CCDC154: variants seen among roughly 807,000 people sequenced by gnomAD.
CCDC154 encodes the protein coiled-coil domain containing 154, also known as coiled-coil domain-containing protein 154.
A neutral mutation model predicts 87.5 loss-of-function variants in CCDC154; 91 were observed. The observed-to-expected ratio is 1.04, with a 90% CI of 0.88 to 1.24. CCDC154 has a LOEUF of 1.24. CCDC154 is among the 50% of genes most tolerant of loss of function. The pLI, the probability that CCDC154 is intolerant of heterozygous loss-of-function variation, is 0.00. For missense variants in CCDC154, 903 were observed against 879.2 expected (o/e 1.03, Z -0.34); for synonymous variants, 418 against 400.4 (o/e 1.04, Z -0.52).
chr16:1,439,347 A>C, intron 6 of CCDC154: 1 of 582,588 alleles, frequency 1.7e-6, no homozygotes, highest in Non-Finnish European at 3.1e-6. Context: ...GAAGCATGAG[A>C]AGGCCACGCT....
chr16:1,444,551 C>G lies in CCDC154; in HGVS notation c.-229G>C. ...GCCGTTCCAGAACCTTCCTTCTCTC[C>G]CCAGAACCTCACGGCTTCACAGCCC... On this transcript the variant is annotated 5_prime_UTR_variant, in exon 1 of 17. Transcript: ENST00000389176. 1 of 338,638 alleles carries G rather than the reference C, an allele frequency of 3.0e-6. No homozygotes were observed. The highest frequency in any genetic ancestry group is 2.2e-5 in the South Asian group (1 of 44,638). The allele number at this position is 338,638 out of a possible 1,614,324, so 21.0% of individuals were successfully genotyped here.
Position 1,442,495 on chromosome 16 carries a change from C to G in CCDC154, c.586G>C (p.Glu196Gln), listed in dbSNP as rs2038560971. 4 of 1,549,616 alleles carry G rather than the reference C, an allele frequency of 2.6e-6. No individual in the cohort carries two copies. Among genetic ancestry groups the G allele is most frequent in the Non-Finnish European group, 3.5e-6 (4 of 1,146,564 alleles). ...CCGCAGGCCACCTCCCGGCCCTGCTCCTCCTGCTGCAGCAAGTCGGTCAGC... is the reference window on the plus strand; with the variant it reads ...CCGCAGGCCACCTCCCGGCCCTGCTGCTCCTGCTGCAGCAAGTCGGTCAGC... ...AKLTDLLQQEEQGREVACGAL... is the reference protein window; with the variant it reads ...AKLTDLLQQEQQGREVACGAL... The change falls in exon 6 of 17, where the codon GAG becomes CAG. Residue 196 changes from glutamate (E) to glutamine (Q), a missense_variant. By Grantham distance (29) the Glu-to-Gln change is conservative (BLOSUM62 2). Transcript: ENST00000389176.
intron 3 of CCDC154, 47 bp downstream of exon 3, chr16:1,443,459 C>T: frequency 1.4e-6 from 2 of 1,435,028 alleles, no homozygotes; most frequent in South Asian, 1.5e-5. Context: ...CTGCCCCCAA[C>T]ACCCAGGAAA....
intron 6 of CCDC154, among the ~76,000 whole-genome samples, chr16:1,440,505 G>GAAGAGAACAGAA (rs1567258648): frequency 2.5e-4 from 38 of 151,212 alleles, no homozygotes; most frequent in African/African-American, 9.3e-4. Flanking sequence ...AAAGAGAAGA[G>GAAGAGAACAGAA]AAGAGAAGAG....
rs1008585185 is a variant in CCDC154, at chr16:1,436,647, C to A, written c.1410+45G>T. The A allele has an allele frequency of 4.5e-6, 7 of 1,547,668 alleles. No individual in the cohort carries two copies. The East Asian group carries it at 1.7e-4, about 38-fold the overall frequency. ...GTGCAGGGAGAAGGGTCCCACGCCA[C>A]CTCCAAGGCCCAAGTACACCAAGGC... On this transcript the variant is annotated intron_variant, in intron 12 of 16. Transcript: ENST00000389176.
intron 3 of CCDC154, 54 bp downstream of exon 3, chr16:1,443,451 GC>G: frequency 7.0e-7 from 1 of 1,431,090 alleles, no homozygotes; most frequent in Non-Finnish European, 9.1e-7. Context: ...AGAAGCAGCT[GC>G]CCCCAACACC....
In CCDC154 at chr16:1,444,307, T is replaced by C. The variant is rs1465850845; in HGVS notation, c.7+9A>G. 1 of 1,302,342 alleles carries C rather than the reference T, an allele frequency of 7.7e-7. No homozygotes were observed. The highest frequency in any genetic ancestry group is 1.0e-6 in the Non-Finnish European group (1 of 988,842). The allele number at this position is 1,302,342 out of a possible 1,614,324, so 80.7% of individuals were successfully genotyped here. On this transcript the variant is annotated intron_variant, in intron 1 of 16. Transcript: ENST00000389176. ...CCCTCCCTGGGCCCCGCTCCTCCGC[T>C]CTGGTCACCTGACATGGCTGCTGGG...
rs1478195852 is a variant in CCDC154, at chr16:1,434,827, C to T, written c.1718G>A (p.Trp573Ter). 2.6e-6 allele frequency: 4 copies of T among 1,525,956 alleles called. No homozygotes were observed. The highest frequency in any genetic ancestry group is 4.0e-5 in the Admixed American group (2 of 49,638). The allele number at this position is 1,525,956 out of a possible 1,614,324, so 94.5% of individuals were successfully genotyped here. A position where few individuals can be genotyped will look rare whatever the true frequency, so the allele number is the denominator to read the frequency against. ...ACTCCACAGCCGGAGCACACTCTCC[C>T]ACAGGGTGGCCATCTCCTGCGTGCG... Reference protein sequence around the residue: ...RLRTQEMATLWESVLRLWSEE... With the variant: ...RLRTQEMATL Residue 573 changes from tryptophan (W) to a stop codon, truncating the protein, a stop_gained, in exon 16 of 17, where the codon TGG becomes TAG. Transcript: ENST00000389176. LOFTEE classifies it high-confidence loss of function.
intron 14 of CCDC154, 45 bp downstream of exon 14, chr16:1,435,922 ATG>A (rs1331971784): frequency 6.8e-7 from 1 of 1,477,314 alleles, no homozygotes; most frequent in Non-Finnish European, 9.2e-7. Flanking sequence ...TCTGAACCTG[ATG>A]GCTCCCCCTC....
At chr16:1,439,171 C>T (rs1237467603) in intron 6 of CCDC154, 45 bp from the exon 7 acceptor site, 15 of 1,494,648 alleles carry the variant, frequency 1.0e-5, no homozygotes, top group African/African-American at 8.3e-5. Context: ...CTGCTGGACA[C>T]GCAGCCGGTC....
rs561711351 is a variant in CCDC154, at chr16:1,444,439, G to C, written c.-117C>G. The C allele has an allele frequency of 9.3e-7, 1 of 1,077,292 alleles. No homozygotes were observed. The highest frequency in any genetic ancestry group is 1.2e-6 in the Non-Finnish European group (1 of 822,572). The allele number at this position is 1,077,292 out of a possible 1,614,324, so 66.7% of individuals were successfully genotyped here. On this transcript the variant is annotated 5_prime_UTR_variant, in exon 1 of 17. Transcript: ENST00000389176. ...GGTCAGGAGCCAGAGGAAGTCCCGTGAGAGCTCTGGGCCTTGAGGGACGAG... is the reference window on the plus strand; with the variant it reads ...GGTCAGGAGCCAGAGGAAGTCCCGTCAGAGCTCTGGGCCTTGAGGGACGAG...
chr16:1,442,454 G>C lies in CCDC154; in HGVS notation c.627C>G (p.Asn209Lys). Residue 209 changes from asparagine to lysine, a missense_variant, in exon 6 of 17, where the codon AAC becomes AAG. Physicochemically the swap from Asn to Lys is moderately conservative, Grantham distance 94 (BLOSUM62 0). Coordinates refer to ENST00000389176, the MANE Select transcript of CCDC154 (RefSeq NM_001143980.3). ...CCACCCTCCGGCTGCTGTCCTCTTG[G>C]TTCTTCTGCAGGGCGCCGCAGGCCA... ...REVACGALQK[N>K]QEDSSRRVDL... is the part of the protein sequence containing the mutation. The C allele has an allele frequency of 6.5e-7, 1 of 1,550,232 alleles. No homozygotes were observed. The highest frequency in any genetic ancestry group is 8.7e-7 in the Non-Finnish European group (1 of 1,146,826).
At chr16:1,444,132 C>T in intron 1 of CCDC154, 120 bp from the exon 2 acceptor site, 1 of 1,014,160 alleles carries the variant, frequency 9.9e-7, no homozygotes, top group Non-Finnish European at 1.3e-6. Flanking sequence ...AACGCGTCTC[C>T]TTGGGTCACA....
intron 6 of CCDC154, among the ~76,000 whole-genome samples, chr16:1,440,880 G>A (rs1003378303): frequency 1.3e-5 from 2 of 151,868 alleles, no homozygotes; most frequent in Non-Finnish European, 2.9e-5. Context: ...GAACGTGGGA[G>A]GCGGAGCTTG....
In CCDC154 at chr16:1,436,069, GC is replaced by G; in HGVS notation, c.1504del (p.Ala502ProfsTer16). 6.5e-7 allele frequency: 1 copy of G among 1,550,256 alleles called. No homozygotes were observed. Among genetic ancestry groups the G allele is most frequent in the African/African-American group, 1.4e-5 (1 of 73,168 alleles). On this transcript the variant is annotated frameshift_variant, in exon 14 of 17. Transcript: ENST00000389176. LOFTEE classifies it high-confidence loss of function. ...EGKAREFKVG[A>X]LRQELATLLS... Reference sequence around the variant, plus strand: ...TAGCGTGGCCAGCTCCTGCCGCAGGGCCCCAACCTTGAACTCCCTATGGGCA... The same window carrying G: ...TAGCGTGGCCAGCTCCTGCCGCAGGGCCCAACCTTGAACTCCCTATGGGCA...
At chr16:1,438,292 G>C in intron 9 of CCDC154, 116 bp from the exon 10 acceptor site, 1 of 1,303,856 alleles carries the variant, frequency 7.7e-7, no homozygotes. Flanking sequence ...CCTGGGATCG[G>C]AAGATGGGGT....
chr16:1,436,145 C>G (rs974064964), intron 13 of CCDC154, 59 bp from the exon 14 acceptor site: 4 of 1,425,818 alleles, frequency 2.8e-6, no homozygotes, highest in African/African-American at 1.4e-5. Context: ...GGGCCAGGAC[C>G]GGGGACAAAG....
At chr16:1,442,668 C>A in intron 5 of CCDC154, 139 bp from the exon 6 acceptor site, 1 of 1,105,660 alleles carries the variant, frequency 9.0e-7, no homozygotes, top group Non-Finnish European at 1.3e-6. Context: ...ATGGGAAACA[C>A]AGCACCGGTG....
Position 1,434,417 on chromosome 16 carries a change from G to A in CCDC154, c.1995C>T (p.Ile665=). 6.5e-7 allele frequency: 1 copy of A among 1,550,322 alleles called. No homozygotes were observed. Among genetic ancestry groups the A allele is most frequent in the Middle Eastern group, 1.7e-4 (1 of 5,950 alleles). ...TACAAAGCCAGCACGTTTATTTCTG[G>A]ATAAACAGTGAGGGTGTGAGCTGCT... The part of the protein sequence containing the change: ...QVQQLTPSLF[I]QK The change falls in exon 17 of 17, where the codon ATC becomes ATT. Residue 665 remains isoleucine, a synonymous_variant. Coordinates refer to ENST00000389176, the MANE Select transcript of CCDC154 (RefSeq NM_001143980.3).
Sources: allele counts gnomAD v4.1 joint callset (sites outside exome capture counted in the v4.1 genomes callset), GRCh38; gene constraint gnomAD v4.1.1; transcripts MANE v1.5; gene names NCBI Gene and HGNC (gene_info 2026-07-23, HGNC 2026-07-21).